Variants in FOXRED1 observed in about 807,000 individuals in gnomAD.
FOXRED1 encodes the protein FAD dependent oxidoreductase domain containing 1, also known as FAD-dependent oxidoreductase domain-containing protein 1.
FOXRED1 carries 52 observed loss-of-function variants against 57.8 expected under a neutral mutation model. The ratio of observed to expected loss-of-function variants is 0.90; its 90% CI spans 0.72 to 1.13. The LOEUF is 1.13. FOXRED1 is among the 50% of genes most tolerant of loss of function. FOXRED1 has a pLI of 0.00. For missense variants in FOXRED1, 589 were observed against 625.2 expected (o/e 0.94, Z 0.62); for synonymous variants, 271 against 248.3 (o/e 1.09, Z -0.86).
chr11:126,270,753 G>T (rs146621597), intron 1 of FOXRED1, among the ~76,000 whole-genome samples: 109 of 152,244 alleles, frequency 7.2e-4, no homozygotes, highest in African/African-American at 2.3e-3. Context: ...TAAGCAAGAG[G>T]GTTTGTGATT....
chr11:126,269,886 C>G (rs932940737), intron 1 of FOXRED1, among the ~76,000 whole-genome samples: 6 of 149,270 alleles, frequency 4.0e-5, no homozygotes, highest in African/African-American at 1.5e-4. Context: ...ACTCGGGAGG[C>G]TGAGGCAGGA....
In FOXRED1 at chr11:126,277,411, C is replaced by A; in HGVS notation, c.1207-24C>A. The A allele has an allele frequency of 6.2e-7, 1 of 1,612,584 alleles. No homozygotes were observed. On this transcript the variant is annotated intron_variant, in intron 10 of 10. Coordinates refer to ENST00000263578, the MANE Select transcript of FOXRED1 (RefSeq NM_017547.4). This position sits in a 1 kb window ranked among gnomAD's most constrained non-coding sequence, Gnocchi z 6.8. The stretch of plus-strand genomic sequence containing the variant: ...AGTGTGGCTACAGCCTTCCCGAGAA[C>A]CCCAGTGTTTTGTGCACCCGCAGGT...
At position 126,269,194 on chromosome 11, in the gene FOXRED1, G is replaced by A; in HGVS notation, c.-13G>A. The stretch of plus-strand genomic sequence containing the variant: ...GCAGTGCAGCTTTCAGAGGGTCCGG[G>A]CTCAGAGGGGTTATGATTCGGAGGG... On this transcript the variant is annotated 5_prime_UTR_variant, in exon 1 of 11. Coordinates refer to ENST00000263578, the MANE Select transcript of FOXRED1 (RefSeq NM_017547.4). 6.2e-7 allele frequency: 1 copy of A among 1,603,172 alleles called. No individual in the cohort carries two copies. The highest frequency in any genetic ancestry group is 1.3e-5 in the African/African-American group (1 of 74,928).
In FOXRED1 at chr11:126,272,878, T is replaced by C. The variant is rs566204762; in HGVS notation, c.307-91T>C. The C allele has an allele frequency of 6.4e-6, 5 of 781,538 alleles. No homozygotes were observed. The highest frequency in any genetic ancestry group is 5.0e-5 in the African/African-American group (3 of 59,502). The allele number at this position is 781,538 out of a possible 1,614,324, so 48.4% of individuals were successfully genotyped here. A position where few individuals can be genotyped will look rare whatever the true frequency, so the allele number is the denominator to read the frequency against. On this transcript the variant is annotated intron_variant, in intron 2 of 10. Transcript: ENST00000263578. The surrounding 1 kb of genome is among the most constrained non-coding windows in gnomAD (Gnocchi z 4.6). Reference sequence around the variant, plus strand: ...CTTGCAAATAGGACTCCCCTTCAACTTTAGGTGTATAGCTCGAAGCTTTCA... The same window carrying C: ...CTTGCAAATAGGACTCCCCTTCAACCTTAGGTGTATAGCTCGAAGCTTTCA...
At position 126,276,413 on chromosome 11, in the gene FOXRED1, T is replaced by C. The variant is rs1160156124; in HGVS notation, c.991T>C (p.Cys331Arg). 4 of 1,524,990 alleles carry C rather than the reference T, an allele frequency of 2.6e-6. No homozygotes were observed. The Admixed American group carries it at 7.2e-5, about 27-fold the overall frequency. 94.5% of individuals were successfully genotyped at this position (1,524,990 alleles called of 1,614,324 possible). A position where few individuals can be genotyped will look rare whatever the true frequency, so the allele number is the denominator to read the frequency against. ...PRKRYVYVWH[C>R]PQGPGLETPL... Reference sequence around the variant, plus strand: ...TGGCAGGTATGTGTATGTGTGGCACTGCCCCCAGGGACCAGGCCTAGAGAC... The same window carrying C: ...TGGCAGGTATGTGTATGTGTGGCACCGCCCCCAGGGACCAGGCCTAGAGAC... Residue 331 changes from cysteine to arginine, a missense_variant, in exon 9 of 11, where the codon TGC (cysteine) becomes CGC (arginine). By Grantham distance (180) the Cys-to-Arg change is radical. Coordinates refer to ENST00000263578, the MANE Select transcript of FOXRED1 (RefSeq NM_017547.4).
At position 126,275,879 on chromosome 11, in the gene FOXRED1, C is replaced by A; in HGVS notation, c.810+9C>A. On this transcript the variant is annotated intron_variant, in intron 7 of 10. Coordinates refer to ENST00000263578, the MANE Select transcript of FOXRED1 (RefSeq NM_017547.4). The surrounding 1 kb of genome is among the most constrained non-coding windows in gnomAD (Gnocchi z 5.9). ...GGATCCATGAAGTCCATGTAAGTTT[C>A]TAGTCTGTGATGTCCTTTACCAAAA... 1 of 1,602,604 alleles carries A rather than the reference C, an allele frequency of 6.2e-7. No individual in the cohort carries two copies. Among genetic ancestry groups the A allele is most frequent in the Non-Finnish European group, 8.5e-7 (1 of 1,169,628 alleles).
rs541736050 is a variant in FOXRED1, at chr11:126,272,060, C to T, written c.306+403C>T. Among the ~76,000 whole-genome samples the T allele has an allele frequency of 6.6e-6, 1 of 150,814 alleles. No homozygotes were observed. The highest frequency in any genetic ancestry group is 6.6e-5 in the Admixed American group (1 of 15,110). On this transcript the variant is annotated intron_variant, in intron 2 of 10. Transcript: ENST00000263578. This position sits in a 1 kb window ranked among gnomAD's most constrained non-coding sequence, Gnocchi z 4.6. ...CACTGCAACCTCCACCTCCCAGGTTCAAGTGATTATCCCACCTCCGCCCCC... is the reference window on the plus strand; with the variant it reads ...CACTGCAACCTCCACCTCCCAGGTTTAAGTGATTATCCCACCTCCGCCCCC...
Position 126,274,879 on chromosome 11 carries a change from A to ACACT in FOXRED1, c.537-46_537-43dup. 9.1e-7 allele frequency: 1 copy of ACACT among 1,098,768 alleles called. No homozygotes were observed. Among genetic ancestry groups the ACACT allele is most frequent in the Non-Finnish European group, 1.4e-6 (1 of 709,092 alleles). The allele number at this position is 1,098,768 out of a possible 1,614,324, so 68.1% of individuals were successfully genotyped here. On this transcript the variant is annotated intron_variant, in intron 4 of 10. Coordinates refer to ENST00000263578, the MANE Select transcript of FOXRED1 (RefSeq NM_017547.4). This position sits in a 1 kb window ranked among gnomAD's most constrained non-coding sequence, Gnocchi z 4.8. Reference sequence around the variant, plus strand: ...TGGGGTCCATACATCATCCCCCTGCACACTCCCCTCTCTGACACACATACA... The same window carrying ACACT: ...TGGGGTCCATACATCATCCCCCTGCACACTCACTCCCCTCTCTGACACACATACA...
rs771358265 is a variant in FOXRED1 at position 126,277,686 on chromosome 11, C to A, written c.1458C>A (p.Ile486=). 3 of 1,613,396 alleles carry A rather than the reference C, an allele frequency of 1.9e-6. No homozygotes were observed. Among genetic ancestry groups the A allele is most frequent in the Non-Finnish European group, 2.5e-6 (3 of 1,179,994 alleles). The change falls in exon 11 of 11, where the codon ATC becomes ATA. Residue 486 remains isoleucine (I), a synonymous_variant. Transcript: ENST00000263578. This position sits in a 1 kb window ranked among gnomAD's most constrained non-coding sequence, Gnocchi z 6.8. Reference sequence around the variant, plus strand: ...AGAAGATCCAGGAGAACAACATCATCTGAGCATGTGTGCTCTGCACTGGCT... The same window carrying A: ...AGAAGATCCAGGAGAACAACATCATATGAGCATGTGTGCTCTGCACTGGCT... The part of the protein sequence containing the change: ...LGEKIQENNI[I]
At position 126,273,118 on chromosome 11, in the gene FOXRED1, C is replaced by G; in HGVS notation, c.417+39C>G. ...TATCCGGGATGTTGGGGTGGTTACC[C>G]CTCCTTTAGCCCAGAGTGGGGAGCA... On this transcript the variant is annotated intron_variant, in intron 3 of 10. Coordinates refer to ENST00000263578, the MANE Select transcript of FOXRED1 (RefSeq NM_017547.4). The surrounding 1 kb of genome is among the most constrained non-coding windows in gnomAD (Gnocchi z 5.9). The G allele has an allele frequency of 1.6e-6, 2 of 1,214,734 alleles. No individual in the cohort carries two copies. Among genetic ancestry groups the G allele is most frequent in the Non-Finnish European group, 2.5e-6 (2 of 815,244 alleles). The allele number at this position is 1,214,734 out of a possible 1,614,324, so 75.2% of individuals were successfully genotyped here.
At position 126,271,856 on chromosome 11, in the gene FOXRED1, G is replaced by A. The variant is rs949150633; in HGVS notation, c.306+199G>A. 9.9e-6 allele frequency: 6 copies of A among 604,022 alleles called. No homozygotes were observed. Among genetic ancestry groups the A allele is most frequent in the Non-Finnish European group, 1.8e-5 (6 of 333,780 alleles). The allele number at this position is 604,022 out of a possible 1,614,324, so 37.4% of individuals were successfully genotyped here. A position where few individuals can be genotyped will look rare whatever the true frequency, so the allele number is the denominator to read the frequency against. ...TCGAACCAGGAAGCTTGGCAATAAGGTTTGTTCTTTTGAAAGCAGATATCA... is the reference window on the plus strand; with the variant it reads ...TCGAACCAGGAAGCTTGGCAATAAGATTTGTTCTTTTGAAAGCAGATATCA... On this transcript the variant is annotated intron_variant, in intron 2 of 10. Transcript: ENST00000263578. This position sits in a 1 kb window ranked among gnomAD's most constrained non-coding sequence, Gnocchi z 5.3.
chr11:126,273,285 T>C lies in FOXRED1; in HGVS notation c.418-51T>C. On this transcript the variant is annotated intron_variant, in intron 3 of 10. Transcript: ENST00000263578. This position sits in a 1 kb window ranked among gnomAD's most constrained non-coding sequence, Gnocchi z 5.9. ...GTGGGGGAAGAAGGCAGGAAAACTC[T>C]TTCTGGCATCCTTAAGTCAGTTTCT... is the stretch of plus-strand genomic sequence containing the variant. 1.4e-6 allele frequency: 2 copies of C among 1,416,648 alleles called. No individual in the cohort carries two copies. 87.8% of individuals were successfully genotyped at this position (1,416,648 alleles called of 1,614,324 possible).
rs1951056406 is a variant in FOXRED1, at chr11:126,273,791, TA to T, written c.536+340del. 5.4e-6 allele frequency: 2 copies of T among 369,632 alleles called. No homozygotes were observed. The highest frequency in any genetic ancestry group is 1.0e-5 in the Non-Finnish European group (2 of 192,240). The allele number at this position is 369,632 out of a possible 1,614,324, so 22.9% of individuals were successfully genotyped here. Reference sequence around the variant, plus strand: ...GTCAGGAGTTAGCAAACTTTTTCTGTAAAGGGCCAGATAGTATATATTTTAG... The same window carrying T: ...GTCAGGAGTTAGCAAACTTTTTCTGTAAGGGCCAGATAGTATATATTTTAG... On this transcript the variant is annotated intron_variant, in intron 4 of 10. Transcript: ENST00000263578. The surrounding 1 kb of genome is among the most constrained non-coding windows in gnomAD (Gnocchi z 5.9).
chr11:126,276,352 C>T (rs1298774245), intron 8 of FOXRED1, 42 bp from the exon 9 acceptor site: 6 of 711,596 alleles, frequency 8.4e-6, no homozygotes, highest in Non-Finnish European at 1.0e-5. Flanking sequence ...GGGTTGCCGG[C>T]CATGCTGTTT....
chr11:126,271,591 T>C lies in FOXRED1; in HGVS notation c.240T>C (p.Tyr80=). The change falls in exon 2 of 11, where the codon TAT becomes TAC. Residue 80 remains tyrosine (Y), a synonymous_variant. Transcript: ENST00000263578. This position sits in a 1 kb window ranked among gnomAD's most constrained non-coding sequence, Gnocchi z 5.3. ...GGGVLGLSVA[Y]WLKKLESRRG... is the part of the protein sequence containing the mutation. The stretch of plus-strand genomic sequence containing the variant: ...GGGTGCTTGGCTTGTCTGTGGCCTA[T>C]TGGCTGAAGAAGCTGGAGAGCAGAC... 1 of 1,614,190 alleles carries C rather than the reference T, an allele frequency of 6.2e-7. No individual in the cohort carries two copies.
In FOXRED1 at chr11:126,275,720, A is replaced by G. The variant is rs1951110489; in HGVS notation, c.734-74A>G. On this transcript the variant is annotated intron_variant, in intron 6 of 10. Coordinates refer to ENST00000263578, the MANE Select transcript of FOXRED1 (RefSeq NM_017547.4). The surrounding 1 kb of genome is among the most constrained non-coding windows in gnomAD (Gnocchi z 5.9). Reference sequence around the variant, plus strand: ...CCCATCCTTCCAGCTTTCTTTCCTTAAGAAACCAGTGAAATCCCCATTTCA... The same window carrying G: ...CCCATCCTTCCAGCTTTCTTTCCTTGAGAAACCAGTGAAATCCCCATTTCA... The G allele has an allele frequency of 2.8e-6, 3 of 1,063,218 alleles. 1 individual carries two copies. The highest frequency in any genetic ancestry group is 3.5e-5 in the Admixed American group (2 of 56,642). The allele number at this position is 1,063,218 out of a possible 1,614,324, so 65.9% of individuals were successfully genotyped here.
intron 1 of FOXRED1, among the ~76,000 whole-genome samples, chr11:126,269,892 CAGG>C: frequency 6.8e-6 from 1 of 146,798 alleles, no homozygotes; most frequent in Middle Eastern, 3.7e-3. Context: ...GAGGCTGAGG[CAGG>C]AGAATCGCTT....
At chr11:126,276,972 T>G in intron 9 of FOXRED1, 99 bp from the exon 10 acceptor site, 1 of 805,216 alleles carries the variant, frequency 1.2e-6, no homozygotes, top group Admixed American at 1.7e-5. Context: ...ACTGGGACCA[T>G]TTCTCCCCAT....
chr11:126,275,169 T>A lies in FOXRED1; in HGVS notation c.631+148T>A. 1.3e-6 allele frequency: 1 copy of A among 798,354 alleles called. No homozygotes were observed. Among genetic ancestry groups the A allele is most frequent in the Non-Finnish European group, 2.2e-6 (1 of 459,090 alleles). The allele number at this position is 798,354 out of a possible 1,614,324, so 49.5% of individuals were successfully genotyped here. A position where few individuals can be genotyped will look rare whatever the true frequency, so the allele number is the denominator to read the frequency against. On this transcript the variant is annotated intron_variant, in intron 5 of 10. Transcript: ENST00000263578. The surrounding 1 kb of genome is among the most constrained non-coding windows in gnomAD (Gnocchi z 5.9). ...CGGGAACTGCCCTGGGCCGTGGTAG[T>A]TCTCTGTCCTTCATCAGGCTTTGTC...
Sources: allele counts gnomAD v4.1 joint callset (sites outside exome capture counted in the v4.1 genomes callset), GRCh38; gene constraint gnomAD v4.1.1; non-coding constraint Gnocchi (gnomAD v3.1); transcripts MANE v1.5; gene names NCBI Gene and HGNC (gene_info 2026-07-23, HGNC 2026-07-21).